The following AGBL1 variants were observed in gnomAD, a reference collection of about 807,000 sequenced individuals.
The protein encoded by AGBL1 is cytosolic carboxypeptidase 4.
In AGBL1, 130 loss-of-function variants were observed where a neutral mutation model predicts 118.9. The ratio of observed to expected loss-of-function variants is 1.09; its 90% CI spans 0.95 to 1.26. The LOEUF is 1.26. AGBL1 is among the 50% of genes most tolerant of loss of function. The pLI is 0.00. For synonymous variants in AGBL1, 555 were observed against 478.9 expected, an observed-to-expected ratio of 1.16 and a Z score of -2.08; for missense variants, 1,584 against 1,298.1, an observed-to-expected ratio of 1.22 and a Z score of -3.38.
intron 24 of AGBL1, among the ~76,000 whole-genome samples, chr15:87,013,161 T>G (rs1488102749): frequency 6.6e-6 from 1 of 152,196 alleles, no homozygotes; most frequent in Non-Finnish European, 1.5e-5. Context: ...AAATTAAATG[T>G]TACTTCTTCT....
At chr15:86,469,438 A>T (rs140264209) in intron 18 of AGBL1, among the ~76,000 whole-genome samples, 1 of 152,216 alleles carries the variant, frequency 6.6e-6, no homozygotes, top group Middle Eastern at 3.4e-3. Context: ...GTACTATTTC[A>T]TTGTATGTAT....
intron 22 of AGBL1, among the ~76,000 whole-genome samples, chr15:86,846,779 G>T (rs1254758421): frequency 6.6e-6 from 1 of 152,118 alleles, no homozygotes; most frequent in Non-Finnish European, 1.5e-5. Flanking sequence ...TGATCCACCC[G>T]CCTCGGCCTC....
intron 22 of AGBL1, among the ~76,000 whole-genome samples, chr15:86,878,138 T>C (rs2079839334): frequency 6.6e-6 from 1 of 152,186 alleles, no homozygotes; most frequent in Non-Finnish European, 1.5e-5. Context: ...TGCTTTTGTG[T>C]CATGAGACTC....
intron 17 of AGBL1, among the ~76,000 whole-genome samples, chr15:86,323,322 A>G (rs2080134276): frequency 2.0e-5 from 3 of 152,112 alleles, no homozygotes; most frequent in Admixed American, 2.0e-4. Context: ...AAAATAATAT[A>G]TGACAAATAA....
At chr15:86,543,169 C>T in intron 19 of AGBL1, among the ~76,000 whole-genome samples, 1 of 148,468 alleles carries the variant, frequency 6.7e-6, no homozygotes, top group East Asian at 1.9e-4. Context: ...AATTATTATT[C>T]ATGCCCCTTA....
At chr15:86,779,594 T>G (rs2078303461) in intron 22 of AGBL1, among the ~76,000 whole-genome samples, 1 of 152,164 alleles carries the variant, frequency 6.6e-6, no homozygotes, top group Admixed American at 6.5e-5. Flanking sequence ...ATGAGTCATA[T>G]GGTATATATA....
chr15:86,583,351 CT>C (rs2084200504), intron 21 of AGBL1, among the ~76,000 whole-genome samples: 1 of 152,064 alleles, frequency 6.6e-6, no homozygotes, highest in African/African-American at 2.4e-5. Context: ...CTCCCTACCC[CT>C]CTCTCCAGTG....
chr15:86,523,057 T>C (rs116218897), intron 19 of AGBL1, 118 bp downstream of exon 19: 10 of 1,240,096 alleles, frequency 8.1e-6, no homozygotes, highest in East Asian at 7.0e-5. Flanking sequence ...TATGACAAGA[T>C]AGAATGGAGG....
intron 24 of AGBL1, among the ~76,000 whole-genome samples, chr15:86,999,878 T>C (rs2081418515): frequency 8.3e-6 from 1 of 121,068 alleles, no homozygotes; most frequent in African/African-American, 3.0e-5. Flanking sequence ...CCACATCCTC[T>C]CCAGCACCTG....
rs144393468 is a variant in AGBL1 at position 86,508,202 on chromosome 15, G to A, written c.2556-14608G>A. On this transcript the variant is annotated intron_variant, in intron 18 of 22. Coordinates refer to ENST00000614907, the MANE Select transcript of AGBL1 (RefSeq NM_001386094.1). ...CTCCCAAAGTGCTGGGATTACAGGC[G>A]TGAACCACTGTGCCCCACCTGTGAT... Among the ~76,000 whole-genome samples the A allele has an allele frequency of 6.6e-5, 10 of 151,946 alleles. No individual in the cohort carries two copies. The East Asian group carries it at 7.8e-4, about 12-fold the overall frequency.
intron 24 of AGBL1, among the ~76,000 whole-genome samples, chr15:86,995,879 T>C (rs11073687): frequency 0.098 from 14,980 of 152,214 alleles, 1,305 homozygotes; most frequent in African/African-American, 0.23. Context: ...AGCAGGAGTG[T>C]ATTTTCTCCA....
chr15:86,291,559 AC>A (rs1315354179), intron 16 of AGBL1, among the ~76,000 whole-genome samples: 6 of 152,222 alleles, frequency 3.9e-5, no homozygotes, highest in Non-Finnish European at 8.8e-5. Context: ...AGAGAAGGCA[AC>A]AAAACAGCAC....
At chr15:86,226,579 G>C (rs1173716572) in intron 6 of AGBL1, among the ~76,000 whole-genome samples, 2 of 152,170 alleles carry the variant, frequency 1.3e-5, no homozygotes, top group Admixed American at 6.5e-5. Flanking sequence ...TCTTATGTCA[G>C]TTGTTTACTC....
intron 18 of AGBL1, among the ~76,000 whole-genome samples, chr15:86,488,130 A>G (rs1389450081): frequency 6.6e-6 from 1 of 152,058 alleles, no homozygotes; most frequent in Admixed American, 6.6e-5. Flanking sequence ...CTGGAAGTTG[A>G]TGGCAACCCA....
At position 86,781,810 on chromosome 15, in the gene AGBL1, A is replaced by G. The variant is rs1334376508; in HGVS notation, c.3158+107374A>G. ...AACATGTTTTTTCCACCTCATTTAC[A>G]TGTATCTTGTTAAAAGTTGACTATG... is the stretch of plus-strand genomic sequence containing the variant. On this transcript the variant is annotated intron_variant, in intron 22 of 22. Coordinates refer to ENST00000614907, the MANE Select transcript of AGBL1 (RefSeq NM_001386094.1). Among the ~76,000 whole-genome samples the G allele has an allele frequency of 3.3e-5, 5 of 152,096 alleles. No homozygotes were observed. In the East Asian group the frequency reaches 7.7e-4, roughly 23 times the overall value.
At chr15:86,755,024 T>G (rs1002921483) in intron 22 of AGBL1, among the ~76,000 whole-genome samples, 1 of 152,122 alleles carries the variant, frequency 6.6e-6, no homozygotes, top group Non-Finnish European at 1.5e-5. Context: ...CAGAAACCTT[T>G]CATTGCAAAA....
intron 22 of AGBL1, among the ~76,000 whole-genome samples, chr15:86,735,445 A>G (rs1163457624): frequency 6.6e-6 from 1 of 152,094 alleles, no homozygotes; most frequent in Non-Finnish European, 1.5e-5. Flanking sequence ...ATTAATGCTG[A>G]GTGGGCAGAT....
Position 86,674,354 on chromosome 15 carries a change from G to C in AGBL1, c.3076G>C (p.Ala1026Pro). ...LGLLILELKS[A>P]SCSHQLLAQA... Reference sequence around the variant, plus strand: ...CCTCCTCATCCTGGAGCTCAAATCTGCCAGCTGCAGCCATCAGCTCCTGGC... The same window carrying C: ...CCTCCTCATCCTGGAGCTCAAATCTCCCAGCTGCAGCCATCAGCTCCTGGC... Residue 1026 changes from alanine (A) to proline (P), a missense_variant, in exon 22 of 23, where the codon GCC becomes CCC. Transcript: ENST00000614907. The C allele has an allele frequency of 6.2e-7, 1 of 1,612,584 alleles. No individual in the cohort carries two copies. The highest frequency in any genetic ancestry group is 1.1e-5 in the South Asian group (1 of 90,760).
At chr15:86,189,503 G>C (rs771804347) in intron 5 of AGBL1, among the ~76,000 whole-genome samples, 1 of 152,176 alleles carries the variant, frequency 6.6e-6, no homozygotes, top group Non-Finnish European at 1.5e-5. Flanking sequence ...TTAGATTATG[G>C]GGGTGGATCC....
Sources: gnomAD v4.1 joint callset for allele counts (sites outside exome capture counted in the v4.1 genomes callset) on GRCh38, gnomAD v4.1.1 for gene constraint, MANE v1.5 for transcripts, NCBI Gene and HGNC (gene_info 2026-07-23, HGNC 2026-07-21) for gene names.